The following SPAG1 variants were observed in gnomAD, a reference collection of about 807,000 sequenced individuals.
SPAG1 encodes the protein sperm associated antigen 1.
SPAG1 carries 69 observed loss-of-function variants against 100.5 expected under a neutral mutation model. That is an observed-to-expected ratio of 0.69 (90% confidence interval 0.57 to 0.84). SPAG1 has a LOEUF of 0.84. Among genes scored for constraint, SPAG1 ranks in the 40% least tolerant of loss-of-function variants. The pLI is 0.00. For missense variants in SPAG1, 955 were observed against 1,133.1 expected, an observed-to-expected ratio of 0.84 and a Z score of 2.26; for synonymous variants, 336 against 411.6, an observed-to-expected ratio of 0.82 and a Z score of 2.22.
At chr8:100,182,298 C>T (rs11780842) in intron 4 of SPAG1, among the ~76,000 whole-genome samples, 24,296 of 152,200 alleles carry the variant, frequency 0.16, 2,381 homozygotes, top group South Asian at 0.23. Context: ...AATGTGGCTA[C>T]TTTGGGCCAC....
At chr8:100,195,191 A>G (rs956307161) in intron 10 of SPAG1, among the ~76,000 whole-genome samples, 3 of 151,792 alleles carry the variant, frequency 2.0e-5, no homozygotes, top group Non-Finnish European at 4.4e-5. Flanking sequence ...AAAGAAAAAA[A>G]GGTTTTTCCC....
intron 12 of SPAG1, among the ~76,000 whole-genome samples, chr8:100,215,655 G>A (rs1216277691): frequency 1.3e-5 from 2 of 152,228 alleles, no homozygotes; most frequent in Non-Finnish European, 2.9e-5. Flanking sequence ...CTGGAGAGTA[G>A]CTGGGACTGC....
chr8:100,228,672 C>T (rs1465129533), intron 14 of SPAG1, among the ~76,000 whole-genome samples: 3 of 151,948 alleles, frequency 2.0e-5, no homozygotes, highest in East Asian at 3.9e-4. Context: ...GAGATTGCAC[C>T]ACTGCACTCT....
At chr8:100,194,381 G>A (rs975914678) in intron 10 of SPAG1, 113 bp downstream of exon 10, 3 of 1,446,556 alleles carry the variant, frequency 2.1e-6, no homozygotes, top group Non-Finnish European at 2.8e-6. Flanking sequence ...TTCTAGCTTT[G>A]CCTTGTAAAT....
intron 10 of SPAG1, among the ~76,000 whole-genome samples, chr8:100,201,353 G>A (rs924028074): frequency 3.3e-5 from 5 of 151,966 alleles, no homozygotes; most frequent in Non-Finnish European, 7.4e-5. Context: ...TTGAACCCCT[G>A]GGCTCAAGAC....
chr8:100,193,983 AG>A (rs2132288925), intron 9 of SPAG1, 128 bp from the exon 10 acceptor site: 1 of 733,730 alleles, frequency 1.4e-6, no homozygotes, highest in East Asian at 3.2e-5. Context: ...TTACAATCAA[AG>A]GCCACCAAAA....
chr8:100,181,266 T>C (rs1405141059), intron 4 of SPAG1, among the ~76,000 whole-genome samples: 1 of 152,228 alleles, frequency 6.6e-6, no homozygotes, highest in Non-Finnish European at 1.5e-5. Context: ...TGCATGTATT[T>C]ATGGTGTGCA....
Position 100,240,681 on chromosome 8 carries a change from C to T in SPAG1, c.2559C>T (p.Leu853=). ...TTGAAGGGGATACATTCCTTCTCCT[C>T]ATTCAGTCTCTGAAAAATAATCTTA... ...NKLEGDTFLL[L]IQSLKNNLIE... Residue 853 remains leucine (L), a synonymous_variant, in exon 18 of 19, where the codon CTC becomes CTT. Coordinates refer to ENST00000388798, the MANE Select transcript of SPAG1 (RefSeq NM_003114.5). 6.2e-7 allele frequency: 1 copy of T among 1,613,952 alleles called. No homozygotes were observed. Among genetic ancestry groups the T allele is most frequent in the South Asian group, 1.1e-5 (1 of 91,050 alleles).
At chr8:100,183,305 T>C (rs1480496816) in intron 4 of SPAG1, 70 bp from the exon 5 acceptor site, 4 of 740,628 alleles carry the variant, frequency 5.4e-6, no homozygotes, top group South Asian at 1.6e-5. Context: ...ATACTTTCCA[T>C]TGCATTTACA....
intron 3 of SPAG1, among the ~76,000 whole-genome samples, chr8:100,169,537 A>C (rs539977649): frequency 6.6e-6 from 1 of 152,172 alleles, no homozygotes; most frequent in Non-Finnish European, 1.5e-5. Flanking sequence ...TCGGGAGTTC[A>C]AGACCAGACT....
chr8:100,162,515 T>C, intron 2 of SPAG1, 95 bp downstream of exon 2: 1 of 1,058,776 alleles, frequency 9.4e-7, no homozygotes, highest in Non-Finnish European at 1.3e-6. Flanking sequence ...GAAATATCTG[T>C]TTTTGCCCAT....
intron 9 of SPAG1, among the ~76,000 whole-genome samples, chr8:100,192,732 G>A (rs571746117): frequency 6.6e-6 from 1 of 152,240 alleles, no homozygotes; most frequent in South Asian, 2.1e-4. Flanking sequence ...TAATGGTTAT[G>A]TTTATTTATT....
intron 8 of SPAG1, among the ~76,000 whole-genome samples, chr8:100,190,663 CTTTTTTTT>C (rs758612610): frequency 3.6e-5 from 4 of 111,802 alleles, no homozygotes; most frequent in Non-Finnish European, 7.0e-5. Flanking sequence ...CTTTTTTTTT[CTTTTTTTT>C]TTTTTTTTTT....
rs1484185718 is a variant in SPAG1 at position 100,239,067 on chromosome 8, G to T, written c.2116-173G>T. Among the ~76,000 whole-genome samples, 2 of 152,100 alleles carry T rather than the reference G, an allele frequency of 1.3e-5. No individual in the cohort carries two copies. The highest frequency in any genetic ancestry group is 6.5e-5 in the Admixed American group (1 of 15,272). On this transcript the variant is annotated intron_variant, in intron 16 of 18. Coordinates refer to ENST00000388798, the MANE Select transcript of SPAG1 (RefSeq NM_003114.5). This position sits in a 1 kb window ranked among gnomAD's most constrained non-coding sequence, Gnocchi z 5.0. ...TATAGTCGATGTTCACTGTATCATG[G>T]GTTATACTATTTCAGCTGCATATTC...
chr8:100,229,555 T>C (rs186008995), intron 14 of SPAG1, among the ~76,000 whole-genome samples: 8 of 152,318 alleles, frequency 5.3e-5, no homozygotes, highest in African/African-American at 1.4e-4. Context: ...GCCAGTCTCT[T>C]TTATGAGGAA....
At position 100,231,185 on chromosome 8, in the gene SPAG1, G is replaced by C. The variant is rs747304490; in HGVS notation, c.1885G>C (p.Glu629Gln). 1 of 1,608,068 alleles carries C rather than the reference G, an allele frequency of 6.2e-7. No individual in the cohort carries two copies. Among genetic ancestry groups the C allele is most frequent in the Non-Finnish European group, 8.5e-7 (1 of 1,176,476 alleles). Residue 629 changes from glutamate (E) to glutamine (Q), a missense_variant, in exon 15 of 19, where the codon GAA becomes CAA. Transcript: ENST00000388798. ...DEKTFKALKEEGNQCVNDKNY... is the reference protein window; with the variant it reads ...DEKTFKALKEQGNQCVNDKNY... ...AAAAACATTTAAAGCCCTTAAGGAA[G>C]AAGGAAATCAATGTGTAAATGACAA...
At chr8:100,225,835 T>G (rs1019902874) in intron 14 of SPAG1, among the ~76,000 whole-genome samples, 4 of 151,700 alleles carry the variant, frequency 2.6e-5, no homozygotes, top group Admixed American at 1.3e-4. Context: ...AAGCGTTTTT[T>G]GTTTTGTTTT....
At chr8:100,227,826 A>G (rs1586539405) in intron 14 of SPAG1, among the ~76,000 whole-genome samples, 2 of 141,620 alleles carry the variant, frequency 1.4e-5, no homozygotes, top group African/African-American at 5.3e-5. Flanking sequence ...GTACCATTTG[A>G]CCCTATTGTG....
intron 14 of SPAG1, among the ~76,000 whole-genome samples, chr8:100,227,462 G>C (rs1290775028): frequency 1.3e-5 from 2 of 152,140 alleles, no homozygotes; most frequent in East Asian, 3.8e-4. Context: ...TTATTGCCAA[G>C]AAAGAGCAGA....
Sources: allele counts gnomAD v4.1 joint callset (sites outside exome capture counted in the v4.1 genomes callset), GRCh38; gene constraint gnomAD v4.1.1; non-coding constraint Gnocchi (gnomAD v3.1); transcripts MANE v1.5; gene names NCBI Gene and HGNC (gene_info 2026-07-23, HGNC 2026-07-21).